The following GALNT14 variants were observed in gnomAD, a reference collection of about 807,000 sequenced individuals.
The protein encoded by GALNT14 is polypeptide N-acetylgalactosaminyltransferase 14.
Under a neutral mutation model 77.5 loss-of-function variants are expected in GALNT14, and 60 were observed. The ratio of observed to expected loss-of-function variants is 0.77; its 90% CI spans 0.63 to 0.96. The LOEUF is 0.96. GALNT14 is among the 40% of genes least tolerant of loss of function. GALNT14 has a pLI of 0.00. For missense variants in GALNT14, 710 were observed against 731.0 expected (o/e 0.97, Z 0.33); for synonymous variants, 280 against 281.7 (o/e 0.99, Z 0.06).
At chr2:30,941,434 T>C (rs1045511024) in intron 9 of GALNT14, among the ~76,000 whole-genome samples, 1 of 152,236 alleles carries the variant, frequency 6.6e-6, no homozygotes, top group Non-Finnish European at 1.5e-5. Context: ...TTTACACATT[T>C]ACTTCAATGG....
At chr2:31,055,025 C>T (rs1388631418) in intron 1 of GALNT14, among the ~76,000 whole-genome samples, 2 of 152,124 alleles carry the variant, frequency 1.3e-5, no homozygotes, top group Non-Finnish European at 2.9e-5. Context: ...AGAGGAAACC[C>T]GGGCCAGAGT....
downstream of GALNT14, among the ~76,000 whole-genome samples, chr2:30,907,791 C>T (rs1664182870): frequency 6.7e-6 from 1 of 148,784 alleles, no homozygotes; most frequent in Admixed American, 6.8e-5. Flanking sequence ...CCTTGATGAA[C>T]ATTGATGCAA....
intron 1 of GALNT14, among the ~76,000 whole-genome samples, chr2:31,089,769 G>A (rs555248554): frequency 1.5e-4 from 23 of 152,108 alleles, no homozygotes; most frequent in East Asian, 9.7e-4. Flanking sequence ...CCCATATTTC[G>A]TGCAAGGGAT....
At chr2:31,106,194 G>C (rs904442520) in intron 1 of GALNT14, among the ~76,000 whole-genome samples, 2 of 152,108 alleles carry the variant, frequency 1.3e-5, no homozygotes, top group East Asian at 3.9e-4. Flanking sequence ...ACCCAAATTC[G>C]TGCTCTTTCA....
chr2:31,013,968 A>T (rs1480548139), intron 1 of GALNT14, among the ~76,000 whole-genome samples: 2 of 152,216 alleles, frequency 1.3e-5, no homozygotes, highest in Admixed American at 6.5e-5. Flanking sequence ...TCCCTGTAAG[A>T]TTTCATGAAA....
downstream of GALNT14, among the ~76,000 whole-genome samples, chr2:30,907,360 A>C (rs1156629214): frequency 2.0e-5 from 3 of 152,230 alleles, no homozygotes; most frequent in Admixed American, 2.0e-4. Context: ...AGACGCAATA[A>C]AAAATGATAA....
At position 30,911,076 on chromosome 2, in the gene GALNT14, G is replaced by C; in HGVS notation, c.1501-17C>G. On this transcript the variant is annotated splice_polypyrimidine_tract_variant and intron_variant, in intron 14 of 14. Coordinates refer to ENST00000349752, the MANE Select transcript of GALNT14 (RefSeq NM_024572.4). Reference sequence around the variant, plus strand: ...GGTCCATTGCTGGTAAGACAAAGAAGAGAGTGAATGAACTAGGTGCCATCA... The same window carrying C: ...GGTCCATTGCTGGTAAGACAAAGAACAGAGTGAATGAACTAGGTGCCATCA... 6.2e-7 allele frequency: 1 copy of C among 1,611,514 alleles called. No homozygotes were observed. The highest frequency in any genetic ancestry group is 8.5e-7 in the Non-Finnish European group (1 of 1,178,206).
At chr2:30,923,970 G>C (rs1404398125) in intron 13 of GALNT14, 149 bp downstream of exon 13, 7 of 860,726 alleles carry the variant, frequency 8.1e-6, no homozygotes, top group Admixed American at 2.0e-5. Flanking sequence ...TGGCAGAGTG[G>C]GGGGATCACA....
chr2:30,968,339 T>G (rs145596428), intron 2 of GALNT14, among the ~76,000 whole-genome samples: 1,907 of 152,354 alleles, frequency 0.013, 127 homozygotes, highest in Admixed American at 0.11. Flanking sequence ...CTGGGTTTTA[T>G]GTCCTTGTGT....
intron 6 of GALNT14, among the ~76,000 whole-genome samples, chr2:30,952,817 T>C (rs1432587030): frequency 6.6e-6 from 1 of 152,138 alleles, no homozygotes; most frequent in Non-Finnish European, 1.5e-5. Flanking sequence ...GTCCATATTT[T>C]CCAAAATGTC....
At chr2:31,099,169 T>C (rs1410316503) in intron 1 of GALNT14, among the ~76,000 whole-genome samples, 2 of 152,182 alleles carry the variant, frequency 1.3e-5, no homozygotes, top group Non-Finnish European at 2.9e-5. Context: ...AGATAAAATA[T>C]GCTATTCCTA....
chr2:30,936,757 G>A (rs2148266681), intron 9 of GALNT14, among the ~76,000 whole-genome samples: 1 of 152,284 alleles, frequency 6.6e-6, no homozygotes, highest in South Asian at 2.1e-4. Context: ...GAGCAAAACT[G>A]CATTTCACCC....
intron 1 of GALNT14, among the ~76,000 whole-genome samples, chr2:31,039,502 A>G (rs1359889165): frequency 6.6e-6 from 1 of 152,160 alleles, no homozygotes; most frequent in Admixed American, 6.5e-5. Context: ...CCAATCTCAC[A>G]CATATTCGTC....
chr2:31,126,332 CT>C (rs1678699127), intron 1 of GALNT14, among the ~76,000 whole-genome samples: 1 of 152,088 alleles, frequency 6.6e-6, no homozygotes, highest in African/African-American at 2.4e-5. Flanking sequence ...GGGAAGGAAG[CT>C]TGGGGTGAGC....
At chr2:31,065,237 T>C (rs1413034824) in intron 1 of GALNT14, 2 of 152,084 alleles carry the variant, frequency 1.3e-5, no homozygotes, top group African/African-American at 4.8e-5. Flanking sequence ...GCAAAGGTGA[T>C]GTCTGATGTT....
intron 13 of GALNT14, among the ~76,000 whole-genome samples, chr2:30,922,207 C>G (rs1297239700): frequency 6.6e-6 from 1 of 152,070 alleles, no homozygotes; most frequent in African/African-American, 2.4e-5. Flanking sequence ...CATGGACTCA[C>G]TCAATCAGCC....
rs551720890 is a variant in GALNT14 at position 31,128,239 on chromosome 2, A to G, written c.129+9719T>C. 3.5e-4 allele frequency among the ~76,000 whole-genome samples: 54 copies of G among 152,226 alleles called. No individual in the cohort carries two copies. In the South Asian group the frequency reaches 5.6e-3, roughly 16 times the overall value. ...ACTGGGTAGAACCAGCAGGCCACCA[A>G]CGAGACAGAACTGAGGAGTTGTCCA... On this transcript the variant is annotated intron_variant, in intron 1 of 14. Transcript: ENST00000349752.
At chr2:30,939,429 G>A (rs1477484546) in intron 9 of GALNT14, among the ~76,000 whole-genome samples, 2 of 152,188 alleles carry the variant, frequency 1.3e-5, no homozygotes, top group Non-Finnish European at 2.9e-5. Flanking sequence ...GGGAGGTTCT[G>A]TTGGTACCTC....
At chr2:31,028,619 G>A (rs1163000372) in intron 1 of GALNT14, among the ~76,000 whole-genome samples, 4 of 152,190 alleles carry the variant, frequency 2.6e-5, no homozygotes, top group East Asian at 1.9e-4. Context: ...CAAAGCCTTC[G>A]AGGCAGCAGG....
Sources: gnomAD v4.1 joint callset for allele counts (sites outside exome capture counted in the v4.1 genomes callset) on GRCh38, gnomAD v4.1.1 for gene constraint, MANE v1.5 for transcripts, NCBI Gene and HGNC (gene_info 2026-07-23, HGNC 2026-07-21) for gene names.